CDH13: variants seen among roughly 807,000 people sequenced by gnomAD.
CDH13 encodes cadherin-13.
Under a neutral mutation model 63.8 loss-of-function variants are expected in CDH13, and 24 were observed. The ratio of observed to expected loss-of-function variants is 0.38; its 90% CI spans 0.27 to 0.53. The LOEUF is 0.53. Ranked by LOEUF, CDH13 falls within the 20% of genes least tolerant of loss-of-function variation. CDH13 has a pLI of 0.85. For synonymous variants in CDH13, 503 were observed against 355.3 expected (o/e 1.42, Z -4.67); for missense variants, 1,049 against 903.1 (o/e 1.16, Z -2.07).
intron 7 of CDH13, among the ~76,000 whole-genome samples, chr16:83,530,293 C>G (rs1186370607): frequency 6.6e-6 from 1 of 152,164 alleles, no homozygotes; most frequent in Non-Finnish European, 1.5e-5. Flanking sequence ...CTCTGTAGGT[C>G]TCCATAGCTT....
intron 1 of CDH13, among the ~76,000 whole-genome samples, chr16:82,776,243 G>A (rs2035489752): frequency 7.5e-6 from 1 of 133,642 alleles, no homozygotes; most frequent in South Asian, 3.0e-4. Flanking sequence ...GGAAGGAAGG[G>A]ATTAAGGGAG....
At chr16:83,138,034 C>T (rs1217599321) in intron 4 of CDH13, among the ~76,000 whole-genome samples, 1 of 152,002 alleles carries the variant, frequency 6.6e-6, no homozygotes, top group Non-Finnish European at 1.5e-5. Flanking sequence ...TGGCCCACTT[C>T]TGCAACCAGT....
At chr16:83,671,359 G>A (rs919992140) in intron 9 of CDH13, among the ~76,000 whole-genome samples, 7 of 151,872 alleles carry the variant, frequency 4.6e-5, no homozygotes, top group South Asian at 2.1e-4. Flanking sequence ...AGTGATTCTC[G>A]TGCCTCAGCC....
intron 1 of CDH13, among the ~76,000 whole-genome samples, chr16:82,710,303 G>T (rs7191636): frequency 7.0e-6 from 1 of 143,204 alleles, no homozygotes; most frequent in African/African-American, 2.5e-5. Context: ...ATAGGTGGAG[G>T]CGGGTGGATC....
At chr16:82,766,222 T>C (rs892753494) in intron 1 of CDH13, among the ~76,000 whole-genome samples, 4 of 152,214 alleles carry the variant, frequency 2.6e-5, no homozygotes, top group Admixed American at 6.6e-5. Context: ...GCGTAACTTC[T>C]TTTTTTAAGT....
chr16:83,655,497 G>C (rs1912790672), intron 8 of CDH13, among the ~76,000 whole-genome samples: 1 of 152,194 alleles, frequency 6.6e-6, no homozygotes, highest in African/African-American at 2.4e-5. Context: ...GAGTCTGTCA[G>C]AGAGAACGAC....
intron 5 of CDH13, among the ~76,000 whole-genome samples, chr16:83,330,589 C>G (rs1013823529): frequency 2.0e-5 from 3 of 152,134 alleles, no homozygotes; most frequent in Admixed American, 6.6e-5. Context: ...GACAGTAGGA[C>G]CAATGTAGCA....
chr16:83,308,473 G>A (rs9926220), intron 5 of CDH13, among the ~76,000 whole-genome samples: 4,561 of 152,256 alleles, frequency 0.03, 87 homozygotes, highest in Non-Finnish European at 0.044. Context: ...TCAAACTTGA[G>A]AATTACATTT....
At chr16:83,741,965 C>A (rs3784978) in intron 10 of CDH13, among the ~76,000 whole-genome samples, 14,228 of 152,266 alleles carry the variant, frequency 0.093, 999 homozygotes, top group East Asian at 0.23. Context: ...CATCCCCCAC[C>A]TGTTCATGGA....
chr16:82,664,056 C>T (rs12446301), intron 1 of CDH13, among the ~76,000 whole-genome samples: 24,775 of 152,130 alleles, frequency 0.16, 2,116 homozygotes, highest in East Asian at 0.24. Context: ...TCTTATTCTG[C>T]GGAAATATTA....
chr16:83,288,484 G>T (rs910800136), intron 5 of CDH13, among the ~76,000 whole-genome samples: 2 of 152,300 alleles, frequency 1.3e-5, no homozygotes, highest in Non-Finnish European at 2.9e-5. Context: ...GATCAAGGTC[G>T]CAGGAGCAAG....
In CDH13 at chr16:83,293,023, G is replaced by T. The variant is rs79967400; in HGVS notation, c.637-51839G>T. Among the ~76,000 whole-genome samples, 6 of 152,258 alleles carry T rather than the reference G, an allele frequency of 3.9e-5. No homozygotes were observed. The East Asian group carries it at 1.2e-3, about 29-fold the overall frequency. On this transcript the variant is annotated intron_variant, in intron 5 of 13. Coordinates refer to ENST00000567109, the MANE Select transcript of CDH13 (RefSeq NM_001257.5). The stretch of plus-strand genomic sequence containing the variant: ...TCTTTTGGACTAAAGTTACTAAACA[G>T]ATAGTTGAGTCAATTACATAACAGC...
intron 1 of CDH13, among the ~76,000 whole-genome samples, chr16:82,761,880 G>A (rs1393859174): frequency 6.6e-6 from 1 of 152,022 alleles, no homozygotes; most frequent in Non-Finnish European, 1.5e-5. Flanking sequence ...ATCCTAGTAG[G>A]AAAAATATCA....
chr16:83,037,995 G>A (rs867942801), intron 3 of CDH13, among the ~76,000 whole-genome samples: 2 of 152,166 alleles, frequency 1.3e-5, no homozygotes, highest in African/African-American at 4.8e-5. Flanking sequence ...CTGAGGCCCT[G>A]AGACAGAAGC....
At chr16:83,537,689 C>T (rs2075221063) in intron 7 of CDH13, among the ~76,000 whole-genome samples, 1 of 152,066 alleles carries the variant, frequency 6.6e-6, no homozygotes, top group Non-Finnish European at 1.5e-5. Context: ...TAGTTATTAT[C>T]TAATATAGTG....
At chr16:83,554,067 A>G (rs1470314998) in intron 7 of CDH13, among the ~76,000 whole-genome samples, 4 of 152,208 alleles carry the variant, frequency 2.6e-5, no homozygotes, top group Non-Finnish European at 4.4e-5. Flanking sequence ...GTCAAAAGGT[A>G]TGATCATTTT....
At chr16:82,841,899 T>C (rs2039021877) in intron 1 of CDH13, among the ~76,000 whole-genome samples, 1 of 151,902 alleles carries the variant, frequency 6.6e-6, no homozygotes, top group Non-Finnish European at 1.5e-5. Context: ...TTCACATTAG[T>C]AGCTTGAAAT....
intron 4 of CDH13, among the ~76,000 whole-genome samples, chr16:83,138,430 C>G (rs1383350793): frequency 6.6e-6 from 1 of 152,074 alleles, no homozygotes; most frequent in East Asian, 1.9e-4. Flanking sequence ...TCCTGAAGGA[C>G]GCCTAAGAGC....
intron 4 of CDH13, among the ~76,000 whole-genome samples, chr16:83,184,850 A>G (rs1047833962): frequency 1.3e-5 from 2 of 151,424 alleles, no homozygotes; most frequent in African/African-American, 2.4e-5. Flanking sequence ...CTATATATAC[A>G]TTAGCTCATT....
Sources: gnomAD v4.1 joint callset for allele counts (sites outside exome capture counted in the v4.1 genomes callset) on GRCh38, gnomAD v4.1.1 for gene constraint, MANE v1.5 for transcripts, NCBI Gene and HGNC (gene_info 2026-07-23, HGNC 2026-07-21) for gene names.